SYTL3: variants seen among roughly 807,000 people sequenced by gnomAD.
SYTL3 encodes the protein synaptotagmin-like protein 3.
Under a neutral mutation model 82.1 loss-of-function variants are expected in SYTL3, and 88 were observed. The observed-to-expected ratio is 1.07, with a 90% CI of 0.90 to 1.28. The LOEUF is 1.28. Ranked by LOEUF, SYTL3 falls within the 50% of genes most tolerant of loss-of-function variation. The pLI is 0.00. For synonymous variants in SYTL3, 311 were observed against 289.4 expected (o/e 1.07, Z -0.76); for missense variants, 831 against 757.6 (o/e 1.10, Z -1.14).
intron 15 of SYTL3, among the ~76,000 whole-genome samples, chr6:158,761,133 G>GC (rs1357940409): frequency 6.6e-6 from 1 of 151,966 alleles, no homozygotes; most frequent in Non-Finnish European, 1.5e-5. Context: ...ATAAATCCCC[G>GC]CCCCCAGGCA....
intron 10 of SYTL3, among the ~76,000 whole-genome samples, chr6:158,718,765 G>A (rs1783727610): frequency 6.6e-6 from 1 of 152,218 alleles, no homozygotes; most frequent in South Asian, 2.1e-4. Flanking sequence ...AACGCTTCGG[G>A]TATGAGAGAG....
intron 16 of SYTL3, among the ~76,000 whole-genome samples, chr6:158,762,841 TGGG>T (rs1226837923): frequency 1.3e-5 from 2 of 152,152 alleles, no homozygotes; most frequent in African/African-American, 2.4e-5. Flanking sequence ...TCCTTGAACT[TGGG>T]GGGAGGAGGT....
chr6:158,714,693 C>T (rs562143136), intron 9 of SYTL3, among the ~76,000 whole-genome samples: 2 of 152,300 alleles, frequency 1.3e-5, no homozygotes, highest in South Asian at 2.1e-4. Context: ...AGAAAATGTC[C>T]TTAGTGTGCT....
intron 9 of SYTL3, 55 bp from the exon 10 acceptor site, chr6:158,718,032 A>T (rs1366723733): frequency 1.4e-6 from 2 of 1,444,240 alleles, no homozygotes; most frequent in African/African-American, 2.9e-5. Context: ...AGGCTCCCAC[A>T]AGTCTCAGCA....
rs535341742 is a variant in SYTL3, at chr6:158,662,021, A to G, written c.-520+636A>G. 4.6e-4 allele frequency among the ~76,000 whole-genome samples: 70 copies of G among 152,362 alleles called. No individual in the cohort carries two copies. The South Asian group carries it at 0.013, about 28-fold the overall frequency. On this transcript the variant is annotated intron_variant, in intron 3 of 17. Coordinates refer to ENST00000611299, the MANE Select transcript of SYTL3 (RefSeq NM_001242394.2). ...CTTCACCAGACTACCAAAGATTAAGAAAAAGGTTAAGAACCTTTGCTTAAA... is the reference window on the plus strand; with the variant it reads ...CTTCACCAGACTACCAAAGATTAAGGAAAAGGTTAAGAACCTTTGCTTAAA...
chr6:158,685,316 G>A (rs965420693), intron 6 of SYTL3, among the ~76,000 whole-genome samples: 1 of 151,080 alleles, frequency 6.6e-6, no homozygotes, highest in Non-Finnish European at 1.5e-5. Flanking sequence ...TGGGTTCAAG[G>A]GATTCTCCTG....
chr6:158,702,869 T>C (rs1388493785), intron 6 of SYTL3, among the ~76,000 whole-genome samples: 6 of 151,752 alleles, frequency 4.0e-5, no homozygotes, highest in African/African-American at 1.5e-4. Context: ...TTTATAAAAT[T>C]GGGGGCCTGG....
chr6:158,664,902 T>C (rs317797), intron 4 of SYTL3, among the ~76,000 whole-genome samples: 102,172 of 151,732 alleles, frequency 0.67, 35,051 homozygotes, highest in African/African-American at 0.8. Flanking sequence ...GCTGACCACT[T>C]ATTAAAAAAA....
intron 6 of SYTL3, among the ~76,000 whole-genome samples, chr6:158,704,558 C>T (rs1021668269): frequency 7.9e-5 from 12 of 152,226 alleles, no homozygotes; most frequent in African/African-American, 2.9e-4. Flanking sequence ...ATCGTGCAGG[C>T]AGGGCCGGCC....
At chr6:158,724,929 T>G (rs1784524399) in intron 10 of SYTL3, among the ~76,000 whole-genome samples, 2 of 152,140 alleles carry the variant, frequency 1.3e-5, no homozygotes, top group African/African-American at 4.8e-5. Context: ...GCAGGAGAAT[T>G]GCTTGAACCC....
chr6:158,670,240 G>T (rs1003306192), intron 5 of SYTL3, among the ~76,000 whole-genome samples: 2 of 152,060 alleles, frequency 1.3e-5, no homozygotes, highest in African/African-American at 2.4e-5. Flanking sequence ...ATTCACAAAG[G>T]CAAATAACTA....
intron 11 of SYTL3, among the ~76,000 whole-genome samples, chr6:158,731,362 C>G (rs1052457995): frequency 1.9e-4 from 29 of 151,958 alleles, no homozygotes; most frequent in Non-Finnish European, 4.1e-4. Flanking sequence ...ACAGCACCAC[C>G]CTGGGGACCA....
At chr6:158,645,615 A>G (rs1787388737), upstream of SYTL3, among the ~76,000 whole-genome samples, 1 of 152,114 alleles carries the variant, frequency 6.6e-6, no homozygotes, top group Non-Finnish European at 1.5e-5. Context: ...ATCCATCAAC[A>G]ACCCTTGTTA....
At chr6:158,745,324 C>T (rs528815305) in intron 11 of SYTL3, among the ~76,000 whole-genome samples, 156 bp from the exon 12 acceptor site, 6 of 151,390 alleles carry the variant, frequency 4.0e-5, no homozygotes, top group African/African-American at 1.5e-4. Context: ...CATGTGGCAA[C>T]TTATTTTGGC....
intron 1 of SYTL3, among the ~76,000 whole-genome samples, chr6:158,650,818 G>C (rs1237514666): frequency 6.6e-6 from 1 of 151,944 alleles, no homozygotes; most frequent in Admixed American, 6.6e-5. Context: ...GGGTGTGGTG[G>C]CAGGCACCTG....
chr6:158,667,198 C>T (rs1319551803), intron 5 of SYTL3, among the ~76,000 whole-genome samples: 1 of 152,152 alleles, frequency 6.6e-6, no homozygotes, highest in Non-Finnish European at 1.5e-5. Flanking sequence ...AACAAGAGGA[C>T]AAGGTCTGAG....
chr6:158,730,922 A>C (rs531370011), intron 11 of SYTL3, among the ~76,000 whole-genome samples: 1 of 152,210 alleles, frequency 6.6e-6, no homozygotes, highest in Non-Finnish European at 1.5e-5. Context: ...GGATGTCTTA[A>C]GGGTTAAAAA....
chr6:158,737,881 A>G (rs1786422082), intron 11 of SYTL3, among the ~76,000 whole-genome samples: 1 of 152,184 alleles, frequency 6.6e-6, no homozygotes, highest in African/African-American at 2.4e-5. Flanking sequence ...ATGAGCATAC[A>G]TTATGGCCCA....
intron 5 of SYTL3, among the ~76,000 whole-genome samples, chr6:158,668,359 GC>G (rs1202034278): frequency 6.6e-6 from 1 of 152,184 alleles, no homozygotes; most frequent in Non-Finnish European, 1.5e-5. Flanking sequence ...CTCCCAAGTA[GC>G]TGGGATTGCA....
Sources: gnomAD v4.1 joint callset for allele counts (sites outside exome capture counted in the v4.1 genomes callset) on GRCh38, gnomAD v4.1.1 for gene constraint, MANE v1.5 for transcripts, NCBI Gene and HGNC (gene_info 2026-07-23, HGNC 2026-07-21) for gene names.